ANK3: variants seen among roughly 807,000 people sequenced by gnomAD.
ANK3 encodes ankyrin 3.
In ANK3, 57 loss-of-function variants were observed where a neutral mutation model predicts 370.9. The ratio of observed to expected loss-of-function variants is 0.15; its 90% CI spans 0.12 to 0.19. The LOEUF is 0.19. ANK3 is among the 10% of genes least tolerant of loss of function. ANK3 has a pLI of 1.00. For missense variants in ANK3, 4,439 were observed against 5,302.1 expected (o/e 0.84, Z 5.06); for synonymous variants, 1,929 against 1,946.3 (o/e 0.99, Z 0.23).
At position 60,070,776 on chromosome 10, in the gene ANK3, T is replaced by A; in HGVS notation, c.10105A>T (p.Asn3369Tyr). ...GAATCAAGGCCAAGGCCAAATTCATTATCTTTTCCAGATCCATTACTTTCC... is the reference window on the plus strand; with the variant it reads ...GAATCAAGGCCAAGGCCAAATTCATAATCTTTTCCAGATCCATTACTTTCC... The part of the protein sequence containing the change: ...ELESNGSGKD[N>Y]EFGLGLDSPQ... Residue 3369 changes from asparagine (N) to tyrosine (Y), a missense_variant, in exon 37 of 44, where the codon AAT becomes TAT. Asn to Tyr is a moderately radical substitution (Grantham distance 143, BLOSUM62 -2). This residue lies in a region of ANK3 where 1,601 missense variants were observed against 1,731.7 expected (regional missense o/e 0.92). Transcript: ENST00000280772. This position sits in a 1 kb window ranked among gnomAD's most constrained non-coding sequence, Gnocchi z 5.7. The A allele has an allele frequency of 1.2e-6, 2 of 1,614,234 alleles. No individual in the cohort carries two copies. The highest frequency in any genetic ancestry group is 1.7e-6 in the Non-Finnish European group (2 of 1,180,034).
Position 60,403,881 on chromosome 10 carries a change from A to T in ANK3, c.97-124242T>A, listed in dbSNP as rs1293863172. Among the ~76,000 whole-genome samples, 3 of 152,208 alleles carry T rather than the reference A, an allele frequency of 2.0e-5. No homozygotes were observed. The East Asian group carries it at 5.8e-4, about 29-fold the overall frequency. ...ATTTATGAAACAACTCCTAGAACTA[A>T]AAAGTGTATCTTGCTTGGTTTCAGG... On this transcript the variant is annotated intron_variant, in intron 2 of 43. Transcript: ENST00000373827.
chr10:60,462,419 G>C (rs139003980), intron 2 of ANK3, among the ~76,000 whole-genome samples: 2 of 152,126 alleles, frequency 1.3e-5, no homozygotes, highest in East Asian at 3.9e-4. Flanking sequence ...CCTTGAAAAT[G>C]TTTACTGCTA....
intron 2 of ANK3, among the ~76,000 whole-genome samples, chr10:60,497,598 C>T (rs2075691603): frequency 1.3e-5 from 2 of 152,138 alleles, no homozygotes; most frequent in Admixed American, 1.3e-4. Flanking sequence ...TGGCACACTT[C>T]CTGTACATGC....
intron 7 of ANK3, among the ~76,000 whole-genome samples, chr10:60,253,809 C>T (rs1390407497): frequency 6.6e-6 from 1 of 151,986 alleles, no homozygotes; most frequent in Non-Finnish European, 1.5e-5. Context: ...GCTGTTGAGC[C>T]TATACTAGGA....
At chr10:60,506,143 T>C (rs2075934229) in intron 2 of ANK3, among the ~76,000 whole-genome samples, 1 of 152,136 alleles carries the variant, frequency 6.6e-6, no homozygotes, top group Admixed American at 6.6e-5. Context: ...TGCTCACTGA[T>C]GCAGGAAAAT....
chr10:60,674,561 T>C (rs1315398694), intron 1 of ANK3, among the ~76,000 whole-genome samples: 3 of 152,178 alleles, frequency 2.0e-5, no homozygotes, highest in Non-Finnish European at 4.4e-5. Flanking sequence ...ATGACCCAAG[T>C]ACCTCCCACA....
chr10:60,100,875 T>C (rs1196575809), intron 28 of ANK3, among the ~76,000 whole-genome samples: 4 of 152,146 alleles, frequency 2.6e-5, no homozygotes, highest in African/African-American at 9.7e-5. Context: ...CCAGTAAAAA[T>C]ATAATGTAAA....
intron 2 of ANK3, among the ~76,000 whole-genome samples, chr10:60,520,939 G>GT (rs5785451): frequency 5.3e-5 from 8 of 150,118 alleles, no homozygotes; most frequent in East Asian, 2.0e-4. Flanking sequence ...TTTTGTCTTA[G>GT]TTTTTTTTTT....
At chr10:60,302,830 C>G in intron 1 of ANK3, among the ~76,000 whole-genome samples, 1 of 146,424 alleles carries the variant, frequency 6.8e-6, no homozygotes, top group East Asian at 2.0e-4. Context: ...GCCAAAAAAA[C>G]AAAAACAAAC....
intron 2 of ANK3, among the ~76,000 whole-genome samples, chr10:60,420,974 T>A (rs2063766278): frequency 6.6e-6 from 1 of 152,108 alleles, no homozygotes; most frequent in Non-Finnish European, 1.5e-5. Context: ...GATGAATGGA[T>A]AAATGAAATA....
At chr10:60,118,266 TAC>T (rs1349704787) in intron 25 of ANK3, among the ~76,000 whole-genome samples, 2 of 152,226 alleles carry the variant, frequency 1.3e-5, no homozygotes, top group African/African-American at 4.8e-5. Flanking sequence ...TACTCTGAAT[TAC>T]ACAGATTTTT....
rs564355914 is a variant in ANK3 at position 60,560,058 on chromosome 10, T to C, written c.96+55128A>G. Among the ~76,000 whole-genome samples the C allele has an allele frequency of 9.2e-5, 14 of 151,990 alleles. No homozygotes were observed. The South Asian group carries it at 1.7e-3, about 18-fold the overall frequency. On this transcript the variant is annotated intron_variant, in intron 2 of 43. Transcript: ENST00000373827. Reference sequence around the variant, plus strand: ...TGTCATTCATAGATAGATAGATAGATAGATGGATAGAGAGAGAGAGAGAGA... The same window carrying C: ...TGTCATTCATAGATAGATAGATAGACAGATGGATAGAGAGAGAGAGAGAGA...
intron 8 of ANK3, among the ~76,000 whole-genome samples, chr10:60,226,554 A>ATATACATAGTATATATACATATACTAT (rs1403236363): frequency 5.7e-4 from 12 of 21,200 alleles, no homozygotes; most frequent in African/African-American, 8.1e-4. Flanking sequence ...TATATACTAT[A>ATATACATAGTATATATACATATACTAT]GTATATATAC....
intron 16 of ANK3, 34 bp from the exon 17 acceptor site, chr10:60,186,946 G>A (rs1384986383): frequency 6.3e-7 from 1 of 1,599,158 alleles, no homozygotes; most frequent in South Asian, 1.1e-5. Flanking sequence ...ACATGCCCAG[G>A]AACAAGATAA....
At chr10:60,678,816 A>T (rs115960679) in intron 1 of ANK3, among the ~76,000 whole-genome samples, 6,085 of 152,312 alleles carry the variant, frequency 0.04, 155 homozygotes, top group South Asian at 0.071. Context: ...TAATGTTCAG[A>T]GGCTCAGAAG....
At chr10:60,590,850 G>A (rs1437261178) in intron 2 of ANK3, among the ~76,000 whole-genome samples, 3 of 152,074 alleles carry the variant, frequency 2.0e-5, no homozygotes, top group East Asian at 1.9e-4. Context: ...TTTTTTACTT[G>A]TATTTTTATT....
rs149459389 is a variant in ANK3 at position 60,677,928 on chromosome 10, C to G, written c.57+55335G>C. ...GTCCTTTGTCACAGAAGTCCAAATT[C>G]CATCCCAGCTGCCCAAATCCGCTCA... is the stretch of plus-strand genomic sequence containing the variant. On this transcript the variant is annotated intron_variant, in intron 1 of 43. Coordinates refer to the ANK3 transcript ENST00000373827. Among the ~76,000 whole-genome samples the G allele has an allele frequency of 3.1e-3, 479 of 152,242 alleles. 4 individuals carry two copies. The highest frequency in any genetic ancestry group is 0.011 in the African/African-American group (454 of 41,544).
intron 2 of ANK3, among the ~76,000 whole-genome samples, chr10:60,398,917 C>T (rs550874020): frequency 5.3e-5 from 8 of 152,120 alleles, no homozygotes; most frequent in Non-Finnish European, 1.2e-4. Flanking sequence ...GGGGAGAGGG[C>T]ATAGGAAGTT....
chr10:60,717,468 T>C (rs747112394), intron 1 of ANK3, among the ~76,000 whole-genome samples: 4 of 152,168 alleles, frequency 2.6e-5, no homozygotes, highest in Admixed American at 6.5e-5. Flanking sequence ...TGCCATGTTA[T>C]TAAAAAGGTT....
Sources: allele counts gnomAD v4.1 joint callset (sites outside exome capture counted in the v4.1 genomes callset), GRCh38; gene constraint gnomAD v4.1.1; regional missense constraint gnomAD v4.1.1; non-coding constraint Gnocchi (gnomAD v3.1); transcripts MANE v1.5; gene names NCBI Gene and HGNC (gene_info 2026-07-23, HGNC 2026-07-21).